Variants in DRAM1 observed in about 807,000 individuals in gnomAD.
DRAM1 encodes the protein DNA damage-regulated autophagy modulator protein 1.
DRAM1 carries 25 observed loss-of-function variants against 28.5 expected under a neutral mutation model. The observed-to-expected ratio is 0.88, with a 90% CI of 0.64 to 1.23. The LOEUF (loss-of-function observed/expected upper bound fraction) is 1.23, where lower values mean the gene tolerates loss of function less well. Among genes scored for constraint, DRAM1 ranks in the 50% most tolerant of loss-of-function variants. The pLI is 0.00. For missense variants in DRAM1, 249 were observed against 299.2 expected (o/e 0.83, Z 1.24); for synonymous variants, 113 against 114.2 (o/e 0.99, Z 0.07).
chr12:101,898,197 G>GT (rs1210569709), intron 2 of DRAM1, among the ~76,000 whole-genome samples: 2 of 151,576 alleles, frequency 1.3e-5, no homozygotes, highest in African/African-American at 4.8e-5. Context: ...ATTTTTTGTA[G>GT]TTTTTTGTAG....
chr12:101,879,004 T>A (rs1333617503), intron 1 of DRAM1, among the ~76,000 whole-genome samples: 1 of 151,740 alleles, frequency 6.6e-6, no homozygotes, highest in Non-Finnish European at 1.5e-5. Context: ...AAATTTTTTT[T>A]ATTTTTTTGA....
At position 101,877,663 on chromosome 12, in the gene DRAM1, C is replaced by G; in HGVS notation, c.-127C>G. ...CCTCCGGGGCTGGGCCTGCCCCGGC[C>G]GTCGCGGAGCCTCCCCTCCCACCGT... On this transcript the variant is annotated 5_prime_UTR_variant, in exon 1 of 7. Coordinates refer to ENST00000258534, the MANE Select transcript of DRAM1 (RefSeq NM_018370.3). This position sits in a 1 kb window ranked among gnomAD's most constrained non-coding sequence, Gnocchi z 4.1. 3 of 627,502 alleles carry G rather than the reference C, an allele frequency of 4.8e-6. No individual in the cohort carries two copies. The highest frequency in any genetic ancestry group is 6.7e-6 in the Non-Finnish European group (3 of 448,258). The allele number at this position is 627,502 out of a possible 1,614,324, so 38.9% of individuals were successfully genotyped here.
intron 3 of DRAM1, among the ~76,000 whole-genome samples, chr12:101,904,426 GGTTTTTTTTTTTTTTTTTTTT>G (rs58863396): frequency 0.092 from 3,587 of 39,138 alleles, 316 homozygotes; most frequent in East Asian, 0.26. Flanking sequence ...GAGCTTTAGG[GGTTTTTTTTTTTTTTTTTTTT>G]TTTTTTTTTT....
chr12:101,887,808 A>G (rs2466580), intron 1 of DRAM1, among the ~76,000 whole-genome samples: 152,255 of 152,256 alleles, frequency 1, 76,127 homozygotes, highest in Middle Eastern at 1. Flanking sequence ...CAAAGTCCTG[A>G]GATTACAGGC....
intron 5 of DRAM1, among the ~76,000 whole-genome samples, chr12:101,916,326 A>G (rs1355200340): frequency 6.6e-6 from 1 of 152,210 alleles, no homozygotes; most frequent in Non-Finnish European, 1.5e-5. Flanking sequence ...CAGTCAGGGT[A>G]ACACAGTAAG....
At chr12:101,882,980 A>G (rs962220080) in intron 1 of DRAM1, among the ~76,000 whole-genome samples, 28 of 150,988 alleles carry the variant, frequency 1.9e-4, no homozygotes, top group African/African-American at 6.8e-4. Flanking sequence ...AGAATTGCCT[A>G]AATAAATATG....
chr12:101,880,137 T>C (rs1379779381), intron 1 of DRAM1, among the ~76,000 whole-genome samples: 2 of 152,060 alleles, frequency 1.3e-5, no homozygotes, highest in Non-Finnish European at 2.9e-5. Context: ...AGCCTCGACC[T>C]CCTGGGCTCC....
In DRAM1 at chr12:101,915,721, C is replaced by G. The variant is rs1874215112; in HGVS notation, c.579+1489C>G. Among the ~76,000 whole-genome samples, 4 of 151,800 alleles carry G rather than the reference C, an allele frequency of 2.6e-5. No individual in the cohort carries two copies. In the South Asian group the frequency reaches 8.3e-4, roughly 32 times the overall value. ...GGATTACAGGCGTGCACCACCATGC[C>G]CAGCTAGTTTTTGTATTTTTAGTAG... On this transcript the variant is annotated intron_variant, in intron 5 of 6. Coordinates refer to ENST00000258534, the MANE Select transcript of DRAM1 (RefSeq NM_018370.3).
intron 1 of DRAM1, among the ~76,000 whole-genome samples, chr12:101,884,243 G>T (rs1872796519): frequency 1.3e-5 from 2 of 148,470 alleles, no homozygotes; most frequent in Admixed American, 1.3e-4. Flanking sequence ...CAAAAAATTA[G>T]CTGAGCGTGG....
rs751941776 is a variant in DRAM1, at chr12:101,879,139, C to T, written c.131+1219C>T. 8.5e-4 allele frequency among the ~76,000 whole-genome samples: 129 copies of T among 152,212 alleles called. 1 individual carries two copies. Among genetic ancestry groups the T allele is most frequent in the Middle Eastern group, 3.4e-3 (1 of 294 alleles). On this transcript the variant is annotated intron_variant, in intron 1 of 6. Transcript: ENST00000258534. The stretch of plus-strand genomic sequence containing the variant: ...CCTCCCAAGTAGCTGAGATTACAGG[C>T]GTGCACCACCACACCTGGCTTAATT...
intron 1 of DRAM1, among the ~76,000 whole-genome samples, chr12:101,890,749 A>ATTT (rs10616632): frequency 7.4e-6 from 1 of 135,712 alleles, no homozygotes; most frequent in Admixed American, 7.5e-5. Flanking sequence ...CCGCCATTCT[A>ATTT]TTTTTTTTTT....
intron 6 of DRAM1, 54 bp from the exon 7 acceptor site, chr12:101,921,162 A>G: frequency 1.6e-6 from 2 of 1,269,898 alleles, no homozygotes; most frequent in Non-Finnish European, 2.3e-6. Flanking sequence ...GTCATTGTCA[A>G]CGCTGGGATT....
At chr12:101,889,422 C>A (rs960305368) in intron 1 of DRAM1, among the ~76,000 whole-genome samples, 7 of 151,660 alleles carry the variant, frequency 4.6e-5, no homozygotes, top group African/African-American at 1.7e-4. Context: ...TCTTTCTTTT[C>A]CCTATTAAAC....
At chr12:101,916,668 C>T (rs544306752) in intron 5 of DRAM1, among the ~76,000 whole-genome samples, 79 of 152,190 alleles carry the variant, frequency 5.2e-4, no homozygotes, top group Admixed American at 6.5e-4. Flanking sequence ...AGGATTCTTT[C>T]CCCCAAGGAT....
chr12:101,900,515 AAAAAG>A (rs1415649954), intron 2 of DRAM1, among the ~76,000 whole-genome samples: 1 of 152,234 alleles, frequency 6.6e-6, no homozygotes, highest in Non-Finnish European at 1.5e-5. Flanking sequence ...AGAGAAGAAT[AAAAAG>A]AAAATTGTAA....
chr12:101,919,286 A>G (rs559795418), intron 5 of DRAM1, among the ~76,000 whole-genome samples: 3,827 of 90,008 alleles, frequency 0.043, 162 homozygotes, highest in African/African-American at 0.24. Context: ...ACACACACGC[A>G]CACACACACA....
intron 3 of DRAM1, among the ~76,000 whole-genome samples, chr12:101,906,759 G>T (rs1323376434): frequency 6.6e-6 from 1 of 150,634 alleles, no homozygotes; most frequent in Admixed American, 6.7e-5. Flanking sequence ...GGAGGCTGGG[G>T]CATGAGAATC....
chr12:101,913,705 CAAAAAAAAAAAAA>C (rs60536139), intron 4 of DRAM1, among the ~76,000 whole-genome samples: 170 of 50,196 alleles, frequency 3.4e-3, no homozygotes, highest in Non-Finnish European at 6.1e-3. Context: ...GAGTACGTCT[CAAAAAAAAAAAAA>C]AAAAAAAAAA....
At chr12:101,910,257 A>G (rs566817800) in intron 4 of DRAM1, among the ~76,000 whole-genome samples, 1 of 152,196 alleles carries the variant, frequency 6.6e-6, no homozygotes, top group Non-Finnish European at 1.5e-5. Context: ...TTAAAGGAAC[A>G]CTTTCTCTTT....
Sources: gnomAD v4.1 joint callset for allele counts (sites outside exome capture counted in the v4.1 genomes callset) on GRCh38, gnomAD v4.1.1 for gene constraint, Gnocchi (gnomAD v3.1) non-coding constraint, MANE v1.5 for transcripts, NCBI Gene and HGNC (gene_info 2026-07-23, HGNC 2026-07-21) for gene names.